The following NDUFA5 variants were observed in gnomAD, a reference collection of about 807,000 sequenced individuals.
The protein encoded by NDUFA5 is NADH:ubiquinone oxidoreductase subunit A5, also known as NADH dehydrogenase [ubiquinone] 1 alpha subcomplex subunit 5.
In NDUFA5, 11 loss-of-function variants were observed where a neutral mutation model predicts 19.8. The ratio of observed to expected loss-of-function variants is 0.56; its 90% CI spans 0.35 to 0.92. The LOEUF (loss-of-function observed/expected upper bound fraction) is 0.92. Among genes scored for constraint, NDUFA5 ranks in the 40% least tolerant of loss-of-function variants. The pLI, the probability that NDUFA5 is intolerant of heterozygous loss-of-function variation, is 0.01. For synonymous variants in NDUFA5, 47 were observed against 46.8 expected (o/e 1.00, Z -0.01); for missense variants, 109 against 134.2 (o/e 0.81, Z 0.93).
At chr7:123,570,342 A>G in the NDUFA5 span, among the ~76,000 whole-genome samples, 24 of 152,034 alleles carry the variant, frequency 1.6e-4, no homozygotes, top group East Asian at 4.5e-3. Context: ...AGCCTGCCAT[A>G]GCTCTTATAA....
At chr7:123,580,077 G>C in the NDUFA5 span, among the ~76,000 whole-genome samples, 1 of 151,970 alleles carries the variant, frequency 6.6e-6, no homozygotes, top group Non-Finnish European at 1.5e-5. Flanking sequence ...GGCGGGATTA[G>C]AAAAATTCAT....
At chr7:123,578,722 C>T in the NDUFA5 span, among the ~76,000 whole-genome samples, 26 of 152,122 alleles carry the variant, frequency 1.7e-4, no homozygotes, top group Admixed American at 4.6e-4. Context: ...ATTGAATGCA[C>T]GGTTAGAATT....
chr7:123,546,901 T>C, intron 3 of NDUFA5: 2 of 414,004 alleles, frequency 4.8e-6, no homozygotes, highest in Non-Finnish European at 9.5e-6. Flanking sequence ...TTCACATATA[T>C]GATCAAGTTA....
At chr7:123,570,006 A>G in the NDUFA5 span, among the ~76,000 whole-genome samples, 40 of 150,970 alleles carry the variant, frequency 2.6e-4, no homozygotes, top group Admixed American at 1.6e-3. Flanking sequence ...AACAATACCT[A>G]AAGTTTACAA....
the NDUFA5 span, among the ~76,000 whole-genome samples, chr7:123,584,019 T>A: frequency 6.6e-6 from 1 of 151,954 alleles, no homozygotes; most frequent in Admixed American, 6.6e-5. Flanking sequence ...CCGGAGTTCA[T>A]CCCTTAAACA....
chr7:123,589,658 T>A, the NDUFA5 span, among the ~76,000 whole-genome samples: 1 of 152,192 alleles, frequency 6.6e-6, no homozygotes, highest in Non-Finnish European at 1.5e-5. Flanking sequence ...ACTCATCCTT[T>A]TTTATGGCTG....
At chr7:123,591,933 CT>C in the NDUFA5 span, among the ~76,000 whole-genome samples, 3 of 151,890 alleles carry the variant, frequency 2.0e-5, no homozygotes, top group African/African-American at 7.3e-5. Context: ...TGGCCCCAGA[CT>C]TTTTTTTGTT....
the NDUFA5 span, among the ~76,000 whole-genome samples, chr7:123,582,585 C>A: frequency 2.0e-5 from 3 of 151,974 alleles, no homozygotes; most frequent in African/African-American, 2.4e-5. Context: ...GCATTCCCCC[C>A]AGATATGCCA....
At chr7:123,566,797 C>A in the NDUFA5 span, among the ~76,000 whole-genome samples, 1 of 152,168 alleles carries the variant, frequency 6.6e-6, no homozygotes, top group African/African-American at 2.4e-5. Flanking sequence ...TCACTCTTTT[C>A]TGGAAACCAC....
At chr7:123,583,943 A>G in the NDUFA5 span, among the ~76,000 whole-genome samples, 1 of 151,450 alleles carries the variant, frequency 6.6e-6, no homozygotes, top group Non-Finnish European at 1.5e-5. Flanking sequence ...ACAGTCGATC[A>G]CTCCTTTCGG....
At chr7:123,581,877 T>G in the NDUFA5 span, among the ~76,000 whole-genome samples, 2 of 152,042 alleles carry the variant, frequency 1.3e-5, no homozygotes, top group Admixed American at 6.6e-5. Context: ...TTCAAAAGAC[T>G]TCTGCAAACC....
the NDUFA5 span, among the ~76,000 whole-genome samples, chr7:123,570,718 CAGA>C: frequency 1.2e-5 from 1 of 84,102 alleles, no homozygotes; most frequent in African/African-American, 4.0e-5. Flanking sequence ...AGGGAGCTAT[CAGA>C]CAATTTCTCC....
At chr7:123,561,243 A>G (rs1224963313), upstream of NDUFA5, among the ~76,000 whole-genome samples, 1 of 152,214 alleles carries the variant, frequency 6.6e-6, no homozygotes, top group Non-Finnish European at 1.5e-5. Flanking sequence ...TCAAAATTGG[A>G]ATCAGTCCTC....
chr7:123,599,635 A>G, the NDUFA5 span, among the ~76,000 whole-genome samples: 1 of 152,176 alleles, frequency 6.6e-6, no homozygotes, highest in African/African-American at 2.4e-5. Flanking sequence ...TCTTATTCCC[A>G]AAATAGAAAT....
At chr7:123,588,764 T>C in the NDUFA5 span, among the ~76,000 whole-genome samples, 2 of 151,764 alleles carry the variant, frequency 1.3e-5, no homozygotes, top group Non-Finnish European at 2.9e-5. Flanking sequence ...TTTGGGTGTG[T>C]TCTATGTCCA....
intron 3 of NDUFA5, chr7:123,546,791 A>G: frequency 1.2e-6 from 1 of 828,048 alleles, no homozygotes; most frequent in Non-Finnish European, 1.8e-6. Context: ...TTATTGATTA[A>G]CTACTGATAA....
intron 4 of NDUFA5, among the ~76,000 whole-genome samples, chr7:123,542,848 T>C (rs550905070): frequency 6.6e-6 from 1 of 152,332 alleles, no homozygotes; most frequent in South Asian, 2.1e-4. Flanking sequence ...ATTTAATTTT[T>C]CCTTTCAAAC....
At chr7:123,555,620 T>A (rs1419091598) in intron 2 of NDUFA5, 1 of 152,100 alleles carries the variant, frequency 6.6e-6, no homozygotes, top group African/African-American at 2.4e-5. Context: ...GTTCTTTACA[T>A]CAATGACAAT....
At chr7:123,582,847 C>T in the NDUFA5 span, among the ~76,000 whole-genome samples, 2 of 151,930 alleles carry the variant, frequency 1.3e-5, no homozygotes, top group Non-Finnish European at 2.9e-5. Context: ...CTAATAAATA[C>T]ATACTTGGCA....
Sources: gnomAD v4.1 joint callset for allele counts (sites outside exome capture counted in the v4.1 genomes callset) on GRCh38, gnomAD v4.1.1 for gene constraint, MANE v1.5 for transcripts, NCBI Gene and HGNC (gene_info 2026-07-23, HGNC 2026-07-21) for gene names.